C2CD5: variants seen among roughly 807,000 people sequenced by gnomAD.
C2CD5 encodes C2 domain-containing protein 5.
In C2CD5, 109 loss-of-function variants were observed where a neutral mutation model predicts 130.3. That is an observed-to-expected ratio of 0.84 (90% CI 0.72 to 0.98). The LOEUF (loss-of-function observed/expected upper bound fraction) is 0.98, where lower values mean the gene tolerates loss of function less well. Among genes scored for constraint, C2CD5 ranks in the 50% least tolerant of loss-of-function variants. The pLI is 0.00. For missense variants in C2CD5, 996 were observed against 1,261.8 expected, an observed-to-expected ratio of 0.79 and a Z score of 3.19; for synonymous variants, 454 against 429.2, an observed-to-expected ratio of 1.06 and a Z score of -0.71.
At chr12:22,481,849 G>T (rs939960307) in intron 14 of C2CD5, among the ~76,000 whole-genome samples, 4 of 146,318 alleles carry the variant, frequency 2.7e-5, no homozygotes, top group African/African-American at 1.0e-4. Flanking sequence ...ACCCGGGCTG[G>T]TCTAACTTCT....
intron 6 of C2CD5, 95 bp from the exon 7 acceptor site, chr12:22,523,719 A>C: frequency 1.1e-6 from 1 of 909,596 alleles, no homozygotes; most frequent in Non-Finnish European, 1.7e-6. Flanking sequence ...AAAAAAGACC[A>C]AGAAAATCAC....
In C2CD5 at chr12:22,457,171, G is replaced by T. The variant is rs1940056174; in HGVS notation, c.2687-10C>A. The stretch of plus-strand genomic sequence containing the variant: ...TTTTCAACTGTCATGGCTAAAATTG[G>T]AGAAAAATGAGAAAACATTCAGAAC... On this transcript the variant is annotated splice_polypyrimidine_tract_variant and intron_variant, in intron 24 of 26. Coordinates refer to ENST00000446597, the MANE Select transcript of C2CD5 (RefSeq NM_001286176.2). 1.9e-6 allele frequency: 3 copies of T among 1,572,130 alleles called. No homozygotes were observed. Among genetic ancestry groups the T allele is most frequent in the African/African-American group, 2.7e-5 (2 of 72,916 alleles).
intron 10 of C2CD5, among the ~76,000 whole-genome samples, chr12:22,493,744 C>T (rs1284841484): frequency 6.6e-6 from 1 of 151,894 alleles, no homozygotes; most frequent in African/African-American, 2.4e-5. Context: ...ATTCTGATTT[C>T]ATTTCTTGGT....
At chr12:22,487,055 T>C (rs7300265) in intron 12 of C2CD5, among the ~76,000 whole-genome samples, 22,806 of 151,840 alleles carry the variant, frequency 0.15, 3,302 homozygotes, top group African/African-American at 0.38. Flanking sequence ...AAAATTAATT[T>C]AAGATGGATT....
At chr12:22,459,656 G>T in intron 22 of C2CD5, 114 bp from the exon 23 acceptor site, 1 of 561,602 alleles carries the variant, frequency 1.8e-6, no homozygotes, top group Non-Finnish European at 3.0e-6. Flanking sequence ...AATCTTTATG[G>T]CTTCATTGCA....
chr12:22,460,061 A>T (rs1303293064), intron 22 of C2CD5, among the ~76,000 whole-genome samples: 1 of 152,180 alleles, frequency 6.6e-6, no homozygotes, highest in South Asian at 2.1e-4. Flanking sequence ...CGATATCAAC[A>T]GCTCCCTCTG....
At chr12:22,482,524 T>C (rs891565446) in intron 14 of C2CD5, 33 bp downstream of exon 14, 1 of 1,567,168 alleles carries the variant, frequency 6.4e-7, no homozygotes, top group Non-Finnish European at 8.7e-7. Flanking sequence ...ATTAAGGAAA[T>C]CATAAAACAA....
chr12:22,523,333 G>T, intron 7 of C2CD5, 93 bp downstream of exon 7: 1 of 942,790 alleles, frequency 1.1e-6, no homozygotes. Context: ...AGAAAATGTT[G>T]AACAACCCTA....
intron 15 of C2CD5, among the ~76,000 whole-genome samples, chr12:22,476,423 C>T (rs1291256936): frequency 2.6e-5 from 4 of 152,080 alleles, no homozygotes; most frequent in Non-Finnish European, 5.9e-5. Context: ...GATGCATAAA[C>T]TGATGAGTAC....
intron 25 of C2CD5, among the ~76,000 whole-genome samples, chr12:22,456,202 A>G (rs887971658): frequency 1.3e-5 from 2 of 152,202 alleles, no homozygotes; most frequent in Non-Finnish European, 2.9e-5. Flanking sequence ...TCATCTTTAT[A>G]ATGAATATAC....
At chr12:22,504,989 G>C (rs1185284876) in intron 10 of C2CD5, among the ~76,000 whole-genome samples, 1 of 151,960 alleles carries the variant, frequency 6.6e-6, no homozygotes, top group Non-Finnish European at 1.5e-5. Flanking sequence ...GGGAAAAAAA[G>C]AGAAAACCAG....
chr12:22,498,054 C>G (rs1288794884), intron 10 of C2CD5, among the ~76,000 whole-genome samples: 1 of 151,932 alleles, frequency 6.6e-6, no homozygotes, highest in South Asian at 2.1e-4. Flanking sequence ...TATCTACTTC[C>G]TGAAAACCTT....
chr12:22,536,792 A>G (rs1035358580), intron 2 of C2CD5, among the ~76,000 whole-genome samples: 2 of 152,156 alleles, frequency 1.3e-5, no homozygotes, highest in Non-Finnish European at 2.9e-5. Flanking sequence ...TTTTCGAGTT[A>G]TATTTGAGTG....
At chr12:22,468,290 C>T (rs1311251778) in intron 22 of C2CD5, among the ~76,000 whole-genome samples, 4 of 152,160 alleles carry the variant, frequency 2.6e-5, no homozygotes, top group Non-Finnish European at 2.9e-5. Context: ...ACAATCACAG[C>T]TCACTGTAGC....
intron 22 of C2CD5, among the ~76,000 whole-genome samples, chr12:22,464,536 A>C (rs1941735727): frequency 1.3e-5 from 2 of 152,004 alleles, no homozygotes; most frequent in African/African-American, 2.4e-5. Context: ...CTACTTCTCC[A>C]TCAATTCTCT....
intron 3 of C2CD5, among the ~76,000 whole-genome samples, chr12:22,530,105 T>TAC (rs1403089810): frequency 6.1e-4 from 70 of 114,550 alleles, no homozygotes; most frequent in African/African-American, 2.3e-3. Flanking sequence ...TATATATATA[T>TAC]ATATATACAC....
At chr12:22,519,367 T>G in intron 7 of C2CD5, 2 of 653,140 alleles carry the variant, frequency 3.1e-6, no homozygotes, top group East Asian at 6.3e-5. Flanking sequence ...ATCCCTAGCA[T>G]GCAAAAAACA....
At chr12:22,470,494 T>C (rs957791727) in intron 21 of C2CD5, among the ~76,000 whole-genome samples, 1 of 152,140 alleles carries the variant, frequency 6.6e-6, no homozygotes, top group African/African-American at 2.4e-5. Flanking sequence ...ACTACATCAG[T>C]AGGTCCTCAG....
intron 9 of C2CD5, chr12:22,512,619 G>C (rs1949306217): frequency 7.1e-7 from 1 of 1,415,500 alleles, no homozygotes; most frequent in Non-Finnish European, 9.4e-7. Flanking sequence ...ACAAGAAATA[G>C]GCTCTCACAC....
Sources: gnomAD v4.1 joint callset for allele counts (sites outside exome capture counted in the v4.1 genomes callset) on GRCh38, gnomAD v4.1.1 for gene constraint, MANE v1.5 for transcripts, NCBI Gene and HGNC (gene_info 2026-07-23, HGNC 2026-07-21) for gene names.